KLHL12: variants seen among roughly 807,000 people sequenced by gnomAD.
KLHL12 encodes kelch-like protein 12.
KLHL12 carries 17 observed loss-of-function variants against 60.8 expected under a neutral mutation model. That is an observed-to-expected ratio of 0.28 (90% CI 0.19 to 0.42). KLHL12 has a LOEUF of 0.42. KLHL12 is among the 10% of genes least tolerant of loss of function. The pLI is 1.00. For missense variants in KLHL12, 468 were observed against 722.3 expected (o/e 0.65, Z 4.04); for synonymous variants, 220 against 250.9 (o/e 0.88, Z 1.16).
chr1:202,925,009 C>A lies in KLHL12; in HGVS notation c.154G>T (p.Ala52Ser). The A allele has an allele frequency of 6.2e-7, 1 of 1,614,172 alleles. No homozygotes were observed. The highest frequency in any genetic ancestry group is 8.5e-7 in the Non-Finnish European group (1 of 1,180,032). Residue 52 changes from alanine (A) to serine (S), a missense_variant, in exon 2 of 12, where the codon GCT (alanine) becomes TCT (serine). Physicochemically the swap from Ala to Ser is moderately conservative, Grantham distance 99. Around this residue, in one of 4 missense-constraint regions of KLHL12, gnomAD observed 339 missense variants for 525.0 expected, o/e 0.65. Transcript: ENST00000367261. ...GCACAGAAGTAATCACTACAGGCAG[C>A]CAGCACAATCCGATGGGCAGGGAAG... ...KDFPAHRIVL[A>S]ACSDYFCAMF...
At chr1:202,912,777 G>C in intron 4 of KLHL12, 1 of 1,170,792 alleles carries the variant, frequency 8.5e-7, no homozygotes, top group Admixed American at 1.8e-5. Flanking sequence ...AGAAGTGACA[G>C]GGAAGCTACA....
At position 202,891,505 on chromosome 1, in the gene KLHL12, G is replaced by A. The variant is rs756175045; in HGVS notation, c.*1028C>T. Reference sequence around the variant, plus strand: ...GGCAGACATGTGCTTCTAAAAGAATGGGGCAGTAATCAGGTAGCTGAACTA... The same window carrying A: ...GGCAGACATGTGCTTCTAAAAGAATAGGGCAGTAATCAGGTAGCTGAACTA... On this transcript the variant is annotated 3_prime_UTR_variant, in exon 12 of 12. Coordinates refer to ENST00000367261, the MANE Select transcript of KLHL12 (RefSeq NM_021633.4). 6.6e-6 allele frequency: 1 copy of A among 152,396 alleles called. No individual in the cohort carries two copies. The highest frequency in any genetic ancestry group is 1.5e-5 in the Non-Finnish European group (1 of 68,058). The allele number at this position is 152,396 out of a possible 1,614,324, so 9.4% of individuals were successfully genotyped here.
At chr1:202,923,221 A>G (rs896386372) in intron 2 of KLHL12, among the ~76,000 whole-genome samples, 1 of 152,244 alleles carries the variant, frequency 6.6e-6, no homozygotes, top group East Asian at 1.9e-4. Flanking sequence ...GAGTAAAGAC[A>G]CTATTTTCAA....
At chr1:202,901,122 A>T (rs1659993903) in intron 6 of KLHL12, among the ~76,000 whole-genome samples, 1 of 152,196 alleles carries the variant, frequency 6.6e-6, no homozygotes, top group Admixed American at 6.5e-5. Flanking sequence ...GGGAGAAAAG[A>T]AGTAGAAAGG....
intron 4 of KLHL12, among the ~76,000 whole-genome samples, chr1:202,915,362 A>G (rs1289817846): frequency 1.3e-5 from 2 of 152,166 alleles, no homozygotes; most frequent in Admixed American, 1.3e-4. Context: ...AGCAATAGCA[A>G]CTGGGAGTCA....
chr1:202,894,279 C>T lies in KLHL12; in HGVS notation c.1298G>A (p.Gly433Glu). ...ATTTAAGATATTCAAGCCGTCATATCCTCCTGGAAGACAGAGACCATTCCA... is the reference window on the plus strand; with the variant it reads ...ATTTAAGATATTCAAGCCGTCATATTCTCCTGGAAGACAGAGACCATTCCA... ...VASGVIYCLG[G>E]YDGLNILNSV... Residue 433 changes from glycine (G) to glutamate (E), a missense_variant, in exon 10 of 12, where the codon GGA becomes GAA. By Grantham distance (98) the Gly-to-Glu change is moderately conservative. Around this residue, in one of 4 missense-constraint regions of KLHL12, gnomAD observed 339 missense variants for 525.0 expected, o/e 0.65. Transcript: ENST00000367261. The T allele has an allele frequency of 6.5e-7, 1 of 1,549,408 alleles. No individual in the cohort carries two copies. The highest frequency in any genetic ancestry group is 8.7e-7 in the Non-Finnish European group (1 of 1,143,058).
chr1:202,921,127 C>T (rs1660684827), intron 2 of KLHL12, among the ~76,000 whole-genome samples: 2 of 151,968 alleles, frequency 1.3e-5, no homozygotes, highest in Non-Finnish European at 2.9e-5. Flanking sequence ...TCTCGTGCCT[C>T]AGCCTCCCAA....
intron 4 of KLHL12, chr1:202,912,301 C>T (rs1413099502): frequency 4.8e-6 from 4 of 841,428 alleles, no homozygotes; most frequent in Non-Finnish European, 6.1e-6. Context: ...AATAAGACTG[C>T]CATTCAGAAA....
At chr1:202,908,545 C>T (rs887377346) in intron 6 of KLHL12, among the ~76,000 whole-genome samples, 2 of 152,138 alleles carry the variant, frequency 1.3e-5, no homozygotes, top group Admixed American at 1.3e-4. Flanking sequence ...GGTACCTGCA[C>T]CAACAGTAAC....
chr1:202,927,519 C>CAA (rs869139683), upstream of KLHL12, among the ~76,000 whole-genome samples: 8 of 52,796 alleles, frequency 1.5e-4, no homozygotes, highest in East Asian at 5.7e-4. Context: ...CCCGTTTCTA[C>CAA]AAAAAAAAAA....
intron 6 of KLHL12, among the ~76,000 whole-genome samples, chr1:202,904,479 C>T (rs1660122811): frequency 6.6e-6 from 1 of 152,070 alleles, no homozygotes; most frequent in African/African-American, 2.4e-5. Context: ...AATGTTTTAA[C>T]CCTAAGTTGG....
chr1:202,912,674 A>AGGT (rs898816204), intron 4 of KLHL12: 2 of 1,280,624 alleles, frequency 1.6e-6, no homozygotes, highest in South Asian at 2.4e-5. Flanking sequence ...CACGAAACCA[A>AGGT]GGTGGCTATG....
At chr1:202,894,305 GA>G in intron 9 of KLHL12, 23 bp from the exon 10 acceptor site, 1 of 1,467,106 alleles carries the variant, frequency 6.8e-7, no homozygotes, top group Non-Finnish European at 9.4e-7. Context: ...GACCATTCCA[GA>G]AAGAGTGGTA....
chr1:202,919,890 G>A lies in KLHL12; in HGVS notation c.214C>T (p.Pro72Ser), dbSNP rs1156719591. ...GTCAAACCTTGGATGTCAACATAAG[G>A]TTTCCCCTTCTCTGAGAGCTGAAAA... is the stretch of plus-strand genomic sequence containing the variant. Reference protein sequence around the residue: ...FTSELSEKGKPYVDIQGLTAS... With the variant: ...FTSELSEKGKSYVDIQGLTAS... The change falls in exon 3 of 12, where the codon CCT becomes TCT. Residue 72 changes from proline (P) to serine (S), a missense_variant. Around this residue, in one of 4 missense-constraint regions of KLHL12, gnomAD observed 339 missense variants for 525.0 expected, o/e 0.65. Coordinates refer to ENST00000367261, the MANE Select transcript of KLHL12 (RefSeq NM_021633.4). 2 of 1,613,262 alleles carry A rather than the reference G, an allele frequency of 1.2e-6. No homozygotes were observed. The highest frequency in any genetic ancestry group is 1.3e-5 in the African/African-American group (1 of 74,846).
At chr1:202,896,733 G>A in intron 7 of KLHL12, 121 bp downstream of exon 7, 1 of 781,594 alleles carries the variant, frequency 1.3e-6, no homozygotes, top group Non-Finnish European at 2.3e-6. Context: ...GCACAAGACT[G>A]TTGTAAGAAA....
intron 1 of KLHL12, 129 bp downstream of exon 1, chr1:202,926,960 C>A: frequency 5.6e-6 from 4 of 719,068 alleles, no homozygotes; most frequent in Non-Finnish European, 6.8e-6. Context: ...CACTGCCAGC[C>A]TTCCTCCTCT....
At chr1:202,925,884 C>G (rs574318526) in intron 1 of KLHL12, among the ~76,000 whole-genome samples, 2 of 152,144 alleles carry the variant, frequency 1.3e-5, no homozygotes, top group South Asian at 4.1e-4. Context: ...GGTGGGTGAT[C>G]AGTTGAGGTC....
intron 9 of KLHL12, 151 bp from the exon 10 acceptor site, chr1:202,894,433 A>C: frequency 1.1e-6 from 1 of 900,962 alleles, no homozygotes; most frequent in East Asian, 2.4e-5. Flanking sequence ...TTATGCTTAT[A>C]AGAAAAAGAT....
chr1:202,921,177 A>AT (rs568392113), intron 2 of KLHL12, among the ~76,000 whole-genome samples: 2,691 of 135,140 alleles, frequency 0.02, 70 homozygotes, highest in African/African-American at 0.062. Flanking sequence ...CAACCAGCTA[A>AT]TTTTTTTTTT....
Sources: gnomAD v4.1 joint callset for allele counts (sites outside exome capture counted in the v4.1 genomes callset) on GRCh38, gnomAD v4.1.1 for gene constraint, gnomAD v4.1.1 regional missense constraint, MANE v1.5 for transcripts, NCBI Gene and HGNC (gene_info 2026-07-23, HGNC 2026-07-21) for gene names.